Variants in GNG4 observed in about 807,000 individuals in gnomAD.
The protein encoded by GNG4 is guanine nucleotide-binding protein G(I)/G(S)/G(O) subunit gamma-4.
In GNG4, 4 loss-of-function variants were observed where a neutral mutation model predicts 5.8. That is an observed-to-expected ratio of 0.69 (90% CI 0.34 to 1.57). The LOEUF is 1.57. Ranked by LOEUF, GNG4 falls within the 40% of genes most tolerant of loss-of-function variation. The pLI is 0.06. For synonymous variants in GNG4, 29 were observed against 32.9 expected (o/e 0.88, Z 0.41); for missense variants, 96 against 95.1 (o/e 1.01, Z -0.04).
intron 1 of GNG4, among the ~76,000 whole-genome samples, chr1:235,641,574 C>T (rs1222904683): frequency 6.6e-6 from 1 of 152,152 alleles, no homozygotes. Context: ...GCCTGTAATC[C>T]CAGCCGCTAG....
intron 1 of GNG4, among the ~76,000 whole-genome samples, chr1:235,619,608 C>T (rs1688667178): frequency 6.6e-6 from 1 of 152,214 alleles, no homozygotes; most frequent in Non-Finnish European, 1.5e-5. Context: ...AATATCAGGA[C>T]TGACTCCTGA....
At chr1:235,622,516 C>T (rs574749643) in intron 1 of GNG4, among the ~76,000 whole-genome samples, 1 of 152,052 alleles carries the variant, frequency 6.6e-6, no homozygotes, top group Admixed American at 6.6e-5. Context: ...GAGTTTGAGA[C>T]CAGCTGGGCC....
chr1:235,630,903 CTT>C (rs1257976818), intron 1 of GNG4, among the ~76,000 whole-genome samples: 2 of 145,436 alleles, frequency 1.4e-5, no homozygotes. Context: ...AGAGACTCTC[CTT>C]TTTTTTTTTT....
At chr1:235,583,263 T>C (rs1571893539) in intron 3 of GNG4, among the ~76,000 whole-genome samples, 1 of 152,300 alleles carries the variant, frequency 6.6e-6, no homozygotes, top group South Asian at 2.1e-4. Flanking sequence ...CACTCATCAG[T>C]GAAATGAATA....
At chr1:235,596,441 G>A (rs1356599355) in intron 1 of GNG4, among the ~76,000 whole-genome samples, 6 of 152,300 alleles carry the variant, frequency 3.9e-5, no homozygotes, top group Admixed American at 3.3e-4. Flanking sequence ...GGAAGCTGAG[G>A]TGGGAGAATC....
chr1:235,553,788 C>T (rs563939170), intron 3 of GNG4, among the ~76,000 whole-genome samples: 2 of 152,316 alleles, frequency 1.3e-5, no homozygotes, highest in East Asian at 3.9e-4. Context: ...GATCTACCCC[C>T]GCCCGTAAGC....
intron 1 of GNG4, among the ~76,000 whole-genome samples, chr1:235,614,521 C>T (rs1161278106): frequency 6.6e-6 from 1 of 152,064 alleles, no homozygotes; most frequent in Non-Finnish European, 1.5e-5. Context: ...CTAAAATAAA[C>T]ATTTTTGCCT....
intron 1 of GNG4, among the ~76,000 whole-genome samples, chr1:235,612,292 A>G (rs1388164748): frequency 1.3e-5 from 2 of 152,170 alleles, no homozygotes; most frequent in African/African-American, 2.4e-5. Context: ...CAGCAGAACA[A>G]TGCCAGGCTG....
intron 2 of GNG4, among the ~76,000 whole-genome samples, chr1:235,593,433 A>C (rs112432281): frequency 1.3e-5 from 2 of 152,224 alleles, no homozygotes; most frequent in African/African-American, 2.4e-5. Context: ...ATCCTCCCCA[A>C]CTACGACTTC....
At chr1:235,572,729 A>C (rs1687377207) in intron 3 of GNG4, among the ~76,000 whole-genome samples, 1 of 151,434 alleles carries the variant, frequency 6.6e-6, no homozygotes, top group Non-Finnish European at 1.5e-5. Flanking sequence ...TGAACTCCTG[A>C]CCTCAAGTGA....
chr1:235,559,711 AAT>A (rs1276645660), intron 3 of GNG4, among the ~76,000 whole-genome samples: 3 of 152,228 alleles, frequency 2.0e-5, no homozygotes, highest in Admixed American at 6.5e-5. Flanking sequence ...GATATGTGTG[AAT>A]AAAAGAATAA....
In GNG4 at chr1:235,616,426, G is replaced by A. The variant is rs1006849750; in HGVS notation, c.-122-20915C>T. On this transcript the variant is annotated intron_variant, in intron 1 of 3. Transcript: ENST00000391854. ...GCCCTGCCAGGAGCCTGTGGGATGG[G>A]AAGTCAGGCCCTGGGCTGCCCGATC... 1.1e-4 allele frequency: 33 copies of A among 296,066 alleles called. No individual in the cohort carries two copies. In the Middle Eastern group the frequency reaches 3.8e-3, roughly 34 times the overall value. 18.3% of individuals were successfully genotyped at this position (296,066 alleles called of 1,614,324 possible).
chr1:235,635,633 G>A (rs1024976566), intron 1 of GNG4, among the ~76,000 whole-genome samples: 2 of 152,256 alleles, frequency 1.3e-5, no homozygotes, highest in Non-Finnish European at 1.5e-5. Flanking sequence ...CAGAACTGTC[G>A]GCTAAATAAA....
At position 235,549,960 on chromosome 1, in the gene GNG4, T is replaced by G. The variant is rs1686697435; in HGVS notation, c.*2149A>C. 1 of 152,226 alleles carries G rather than the reference T, an allele frequency of 6.6e-6. No individual in the cohort carries two copies. Among genetic ancestry groups the G allele is most frequent in the African/African-American group, 2.4e-5 (1 of 41,458 alleles). The allele number at this position is 152,226 out of a possible 1,614,324, so 9.4% of individuals were successfully genotyped here. On this transcript the variant is annotated 3_prime_UTR_variant, in exon 4 of 4. Transcript: ENST00000391854. ...AGACAGAAAGGCAGGATAATTACCA[T>G]TAAACCCAATTTGCAGGTTAGAACA...
At chr1:235,596,067 G>A (rs1180875956) in intron 1 of GNG4, among the ~76,000 whole-genome samples, 1 of 152,114 alleles carries the variant, frequency 6.6e-6, no homozygotes, top group Non-Finnish European at 1.5e-5. Context: ...CCAGCTACCT[G>A]GGAGGCTGAG....
chr1:235,593,622 C>A (rs10926175), intron 2 of GNG4, among the ~76,000 whole-genome samples: 19 of 152,102 alleles, frequency 1.2e-4, no homozygotes, highest in African/African-American at 4.6e-4. Context: ...GCGGCGTGTC[C>A]GGAGTTTGCT....
intron 1 of GNG4, among the ~76,000 whole-genome samples, chr1:235,639,939 G>A (rs1377998860): frequency 1.3e-5 from 2 of 152,190 alleles, no homozygotes; most frequent in African/African-American, 4.8e-5. Flanking sequence ...TCTCCTGGAC[G>A]GCTCATGGGT....
rs574184776 is a variant in GNG4 at position 235,564,983 on chromosome 1, AGTT to A, written c.100-12749_100-12747del. Among the ~76,000 whole-genome samples the A allele has an allele frequency of 2.3e-4, 35 of 152,256 alleles. No homozygotes were observed. The South Asian group carries it at 7.3e-3, about 32-fold the overall frequency. On this transcript the variant is annotated intron_variant, in intron 3 of 3. Transcript: ENST00000391854. ...CAGGCGTGAGCCACAGCGCCCAGCC[AGTT>A]ATTCTTAATTCTAAGTTTACATTGA...
At chr1:235,564,874 T>C (rs113821668) in intron 3 of GNG4, among the ~76,000 whole-genome samples, 22,258 of 152,094 alleles carry the variant, frequency 0.15, 1,830 homozygotes, top group Middle Eastern at 0.23. Flanking sequence ...TTAGTAGAGA[T>C]GGGGTTTCAC....
Sources: allele counts gnomAD v4.1 joint callset (sites outside exome capture counted in the v4.1 genomes callset), GRCh38; gene constraint gnomAD v4.1.1; transcripts MANE v1.5; gene names NCBI Gene and HGNC (gene_info 2026-07-23, HGNC 2026-07-21).